Variants in MPPED2 observed in about 807,000 individuals in gnomAD.
The protein encoded by MPPED2 is metallophosphoesterase domain containing 2, also known as metallophosphoesterase MPPED2.
MPPED2 carries 5 observed loss-of-function variants against 33.0 expected under a neutral mutation model. That is an observed-to-expected ratio of 0.15 (90% confidence interval 0.08 to 0.32). The LOEUF is 0.32. Ranked by LOEUF, MPPED2 falls within the 10% of genes least tolerant of loss-of-function variation. The pLI is 1.00. For missense variants in MPPED2, 275 were observed against 372.1 expected, an observed-to-expected ratio of 0.74 and a Z score of 2.15; for synonymous variants, 136 against 141.9, an observed-to-expected ratio of 0.96 and a Z score of 0.29.
rs184420474 is a variant in MPPED2 at position 30,482,587 on chromosome 11, T to G, written c.536+12709A>C. On this transcript the variant is annotated intron_variant, in intron 4 of 6. Coordinates refer to ENST00000358117, the MANE Select transcript of MPPED2 (RefSeq NM_001584.3). Reference sequence around the variant, plus strand: ...TCCCTTTCATTGTTTTTTCTACTGTTACTTGTAGAAACTCAGACAAAAAGC... The same window carrying G: ...TCCCTTTCATTGTTTTTTCTACTGTGACTTGTAGAAACTCAGACAAAAAGC... Among the ~76,000 whole-genome samples, 10 of 152,320 alleles carry G rather than the reference T, an allele frequency of 6.6e-5. No homozygotes were observed. The South Asian group carries it at 2.1e-3, about 32-fold the overall frequency.
rs1948093352 is a variant in MPPED2, at chr11:30,411,330, C to T, written c.*138G>A. The T allele has an allele frequency of 2.2e-6, 3 of 1,352,682 alleles. No homozygotes were observed. Among genetic ancestry groups the T allele is most frequent in the East Asian group, 2.6e-5 (1 of 38,574 alleles). 83.8% of individuals were successfully genotyped at this position (1,352,682 alleles called of 1,614,324 possible). A position where few individuals can be genotyped will look rare whatever the true frequency, so the allele number is the denominator to read the frequency against. On this transcript the variant is annotated 3_prime_UTR_variant, in exon 7 of 7. Transcript: ENST00000358117. ...AATAAAATAAAATAAGAAGCACAAC[C>T]TCTAGCATCATTTGTGTTCCAACAA... is the stretch of plus-strand genomic sequence containing the variant.
intron 4 of MPPED2, among the ~76,000 whole-genome samples, chr11:30,435,667 C>A (rs530310596): frequency 3.4e-4 from 52 of 152,288 alleles, no homozygotes; most frequent in African/African-American, 1.3e-3. Context: ...ATTCACATCC[C>A]TTCCCTAGAC....
At chr11:30,453,768 C>A (rs556487765) in intron 4 of MPPED2, among the ~76,000 whole-genome samples, 1 of 152,174 alleles carries the variant, frequency 6.6e-6, no homozygotes, top group African/African-American at 2.4e-5. Context: ...CTTGAAAGGG[C>A]AAATGCCCTC....
intron 4 of MPPED2, among the ~76,000 whole-genome samples, chr11:30,480,730 A>G (rs555472816): frequency 1.3e-5 from 2 of 152,264 alleles, no homozygotes; most frequent in East Asian, 3.9e-4. Flanking sequence ...TTCCAATAAA[A>G]ACTGTGTTCT....
chr11:30,503,330 T>C (rs1270339255), intron 3 of MPPED2, among the ~76,000 whole-genome samples: 1 of 152,108 alleles, frequency 6.6e-6, no homozygotes, highest in Non-Finnish European at 1.5e-5. Flanking sequence ...CTTTATAAAT[T>C]ACCCAGTCTC....
At chr11:30,578,347 TA>T (rs1260968093) in intron 2 of MPPED2, among the ~76,000 whole-genome samples, 1 of 152,170 alleles carries the variant, frequency 6.6e-6, no homozygotes, top group African/African-American at 2.4e-5. Flanking sequence ...ACACTGGAAC[TA>T]GCCTGTAGAA....
intron 5 of MPPED2, 111 bp downstream of exon 5, chr11:30,417,407 T>C: frequency 1.9e-6 from 1 of 519,430 alleles, no homozygotes; most frequent in Non-Finnish European, 3.3e-6. Context: ...TCTTCTCGTA[T>C]TCACTTTTTT....
intron 2 of MPPED2, among the ~76,000 whole-genome samples, chr11:30,548,755 GGAGA>G (rs1046091367): frequency 1.1e-4 from 17 of 152,116 alleles, no homozygotes; most frequent in African/African-American, 4.1e-4. Context: ...AATTGAAGAG[GGAGA>G]GAGTCATGAA....
At chr11:30,544,822 T>A (rs1465076943) in intron 2 of MPPED2, among the ~76,000 whole-genome samples, 2 of 152,138 alleles carry the variant, frequency 1.3e-5, no homozygotes, top group Admixed American at 1.3e-4. Context: ...CAAGGTAGTA[T>A]GTCGATTTCA....
At chr11:30,468,226 CTA>C (rs199768392) in intron 4 of MPPED2, among the ~76,000 whole-genome samples, 3,239 of 134,738 alleles carry the variant, frequency 0.024, 57 homozygotes, top group African/African-American at 0.073. Flanking sequence ...ATATGGCATA[CTA>C]TACACACACA....
intron 4 of MPPED2, among the ~76,000 whole-genome samples, chr11:30,445,424 C>T (rs1367443559): frequency 4.6e-5 from 7 of 152,196 alleles, no homozygotes. Flanking sequence ...GTCTAGTTGT[C>T]ACTAATTAGT....
intron 6 of MPPED2, among the ~76,000 whole-genome samples, chr11:30,393,673 TA>T (rs1314721973): frequency 1.3e-5 from 2 of 152,234 alleles, no homozygotes; most frequent in Non-Finnish European, 2.9e-5. Context: ...ATTTGCCCAA[TA>T]AATAATAAAC....
intron 2 of MPPED2, among the ~76,000 whole-genome samples, chr11:30,544,862 A>G (rs943425807): frequency 1.4e-4 from 21 of 152,336 alleles, no homozygotes; most frequent in South Asian, 1.2e-3. Context: ...TGGCACTATT[A>G]GGAGCTCAGA....
chr11:30,477,929 A>G (rs925474044), intron 4 of MPPED2, among the ~76,000 whole-genome samples: 61 of 151,946 alleles, frequency 4.0e-4, no homozygotes, highest in African/African-American at 1.4e-3. Context: ...TGTTTCTCTT[A>G]TTTAGCTCTC....
intron 3 of MPPED2, among the ~76,000 whole-genome samples, chr11:30,533,627 G>A (rs1351310708): frequency 6.6e-6 from 1 of 152,070 alleles, no homozygotes; most frequent in African/African-American, 2.4e-5. Flanking sequence ...CTTACCCTCT[G>A]AGCACCATGA....
chr11:30,504,724 G>C, intron 3 of MPPED2: 1 of 1,251,840 alleles, frequency 8.0e-7, no homozygotes, highest in Admixed American at 2.3e-5. Flanking sequence ...CAGCTCTAAC[G>C]TTAATACTCA....
chr11:30,562,001 A>G (rs1434679370), intron 2 of MPPED2, among the ~76,000 whole-genome samples: 1 of 152,086 alleles, frequency 6.6e-6, no homozygotes, highest in African/African-American at 2.4e-5. Context: ...TGAAAACCAC[A>G]CTCAAACTGA....
chr11:30,400,868 T>C (rs1947899659), intron 6 of MPPED2, among the ~76,000 whole-genome samples: 1 of 152,052 alleles, frequency 6.6e-6, no homozygotes, highest in South Asian at 2.1e-4. Context: ...TCAAGCAATC[T>C]TCAATCTTCT....
At chr11:30,542,364 AG>A (rs1239393169) in intron 2 of MPPED2, among the ~76,000 whole-genome samples, 1 of 149,474 alleles carries the variant, frequency 6.7e-6, no homozygotes, top group African/African-American at 2.5e-5. Flanking sequence ...CTGTAATCCC[AG>A]CACTTTGGGA....
Sources: gnomAD v4.1 joint callset for allele counts (sites outside exome capture counted in the v4.1 genomes callset) on GRCh38, gnomAD v4.1.1 for gene constraint, MANE v1.5 for transcripts, NCBI Gene and HGNC (gene_info 2026-07-23, HGNC 2026-07-21) for gene names.